The following ZNF143 variants were observed in gnomAD, a reference collection of about 807,000 sequenced individuals.
ZNF143 encodes the protein SPH-binding factor.
In ZNF143, 49 loss-of-function variants were observed where a neutral mutation model predicts 74.1. The ratio of observed to expected loss-of-function variants is 0.66; its 90% CI spans 0.53 to 0.84. ZNF143 has a LOEUF of 0.84. ZNF143 is among the 40% of genes least tolerant of loss of function. The pLI is 0.00. For synonymous variants in ZNF143, 304 were observed against 282.8 expected, an observed-to-expected ratio of 1.07 and a Z score of -0.75; for missense variants, 637 against 793.4, an observed-to-expected ratio of 0.80 and a Z score of 2.37.
rs1849178069 is a variant in ZNF143 at position 9,527,673 on chromosome 11, C to T, written c.*60C>T. On this transcript the variant is annotated 3_prime_UTR_variant, in exon 16 of 16. Coordinates refer to ENST00000396602, the MANE Select transcript of ZNF143 (RefSeq NM_003442.6). Reference sequence around the variant, plus strand: ...TCTTTCATCTTCTGGCAGCAGAAATCCATGAAGCCCGGGCCCAGGAAAATT... The same window carrying T: ...TCTTTCATCTTCTGGCAGCAGAAATTCATGAAGCCCGGGCCCAGGAAAATT... 6.6e-7 allele frequency: 1 copy of T among 1,519,880 alleles called. No homozygotes were observed. The highest frequency in any genetic ancestry group is 2.3e-5 in the East Asian group (1 of 44,368). 94.1% of individuals were successfully genotyped at this position (1,519,880 alleles called of 1,614,324 possible).
At position 9,528,280 on chromosome 11, in the gene ZNF143, T is replaced by G. The variant is rs2134302671; in HGVS notation, c.*667T>G. On this transcript the variant is annotated 3_prime_UTR_variant, in exon 16 of 16. Coordinates refer to ENST00000396602, the MANE Select transcript of ZNF143 (RefSeq NM_003442.6). ...AAAATTAAAAAGTTAAATCCAGTGG[T>G]TTTGTTAAAGATTTTGCTTAGTATT... 6.6e-6 allele frequency: 1 copy of G among 152,338 alleles called. No individual in the cohort carries two copies. The highest frequency in any genetic ancestry group is 1.9e-4 in the East Asian group (1 of 5,194). The allele number at this position is 152,338 out of a possible 1,614,324, so 9.4% of individuals were successfully genotyped here. A position where few individuals can be genotyped will look rare whatever the true frequency, so the allele number is the denominator to read the frequency against.
At position 9,516,317 on chromosome 11, in the gene ZNF143, G is replaced by A. The variant is rs572827042; in HGVS notation, c.1641G>A (p.Thr547=). ...AHDAVISSAG[T]HSVAMVTAEG... ...ATGCAGTCATCTCCTCAGCAGGAAC[G>A]CACTCTGTTGCTATGGTTACTGCTG... is the stretch of plus-strand genomic sequence containing the variant. The change falls in exon 14 of 16, where the codon ACG becomes ACA. Residue 547 remains threonine, a synonymous_variant. Transcript: ENST00000396602. 33 of 1,613,688 alleles carry A rather than the reference G, an allele frequency of 2.0e-5. No homozygotes were observed. The highest frequency in any genetic ancestry group is 1.6e-4 in the Middle Eastern group (1 of 6,078).
chr11:9,492,943 C>G (rs1487327328), intron 7 of ZNF143, among the ~76,000 whole-genome samples: 1 of 152,062 alleles, frequency 6.6e-6, no homozygotes, highest in Non-Finnish European at 1.5e-5. Context: ...ATGATGACAA[C>G]AGGCCTCATG....
At chr11:9,483,161 T>G (rs548206691) in intron 7 of ZNF143, among the ~76,000 whole-genome samples, 2 of 150,690 alleles carry the variant, frequency 1.3e-5, no homozygotes, top group African/African-American at 5.0e-5. Flanking sequence ...ACCCAGCTAA[T>G]TTTTGTATTT....
At chr11:9,496,153 G>A in intron 8 of ZNF143, 150 bp from the exon 9 acceptor site, 1 of 641,460 alleles carries the variant, frequency 1.6e-6, no homozygotes. Flanking sequence ...AGAACTATTG[G>A]GCTATCGTTT....
chr11:9,509,660 AG>A (rs1332464214), intron 12 of ZNF143, among the ~76,000 whole-genome samples: 2 of 152,204 alleles, frequency 1.3e-5, no homozygotes, highest in Admixed American at 1.3e-4. Context: ...TAGGTGGAAA[AG>A]GTTTGTTGGA....
chr11:9,525,125 T>G, intron 14 of ZNF143, 115 bp from the exon 15 acceptor site: 1 of 1,204,056 alleles, frequency 8.3e-7, no homozygotes, highest in Non-Finnish European at 1.2e-6. Context: ...AAGTCTATGG[T>G]CAGAGGAGTT....
chr11:9,502,385 G>A (rs936490024), intron 11 of ZNF143, among the ~76,000 whole-genome samples: 19 of 150,572 alleles, frequency 1.3e-4, no homozygotes, highest in African/African-American at 3.9e-4. Context: ...CGAAGTGAGC[G>A]GATCACGAGG....
At chr11:9,483,262 G>A (rs1409005050) in intron 7 of ZNF143, among the ~76,000 whole-genome samples, 1 of 141,358 alleles carries the variant, frequency 7.1e-6, no homozygotes. Flanking sequence ...TGAAAATGCT[G>A]GGATTACAGG....
Position 9,478,530 on chromosome 11 carries a change from G to T in ZNF143, c.514G>T (p.Gly172Trp). ...TGGGACAGTGGCAGGTCTGCACACT[G>T]GGGATGCTACAATTGACCCTGACAC... is the stretch of plus-strand genomic sequence containing the variant. ...ADGTVAGLHT[G>W]DATIDPDTIS... Residue 172 changes from glycine to tryptophan, a missense_variant, in exon 6 of 16, where the codon GGG becomes TGG. Coordinates refer to ENST00000396602, the MANE Select transcript of ZNF143 (RefSeq NM_003442.6). 1 of 1,614,142 alleles carries T rather than the reference G, an allele frequency of 6.2e-7. No individual in the cohort carries two copies. The highest frequency in any genetic ancestry group is 8.5e-7 in the Non-Finnish European group (1 of 1,180,034).
chr11:9,488,010 A>T (rs1460165795), intron 7 of ZNF143, among the ~76,000 whole-genome samples: 14 of 152,112 alleles, frequency 9.2e-5, no homozygotes, highest in Non-Finnish European at 1.6e-4. Context: ...CTGCATATTT[A>T]TGATTATACA....
chr11:9,480,874 C>T (rs1256007757), intron 7 of ZNF143, among the ~76,000 whole-genome samples: 3 of 140,974 alleles, frequency 2.1e-5, no homozygotes, highest in Admixed American at 1.5e-4. Context: ...GCAACAAGAA[C>T]GAAACTGTCT....
intron 5 of ZNF143, among the ~76,000 whole-genome samples, chr11:9,476,399 A>G (rs959521482): frequency 6.6e-6 from 1 of 152,134 alleles, no homozygotes; most frequent in Non-Finnish European, 1.5e-5. Context: ...ATTTTGAGAC[A>G]GTCTCGCTCT....
chr11:9,496,391 A>G lies in ZNF143; in HGVS notation c.841+13A>G. The G allele has an allele frequency of 6.2e-7, 1 of 1,613,714 alleles. No homozygotes were observed. The highest frequency in any genetic ancestry group is 8.5e-7 in the Non-Finnish European group (1 of 1,179,792). On this transcript the variant is annotated intron_variant, in intron 9 of 15. Transcript: ENST00000396602. ...GCATTTGCAACAGGTAAAAGTATGAATTTTGTTTTTTTCTTGGTTCCAATT... is the reference window on the plus strand; with the variant it reads ...GCATTTGCAACAGGTAAAAGTATGAGTTTTGTTTTTTTCTTGGTTCCAATT...
Position 9,527,626 on chromosome 11 carries a change from T to TG in ZNF143, c.*15dup. On this transcript the variant is annotated 3_prime_UTR_variant, in exon 16 of 16. Coordinates refer to ENST00000396602, the MANE Select transcript of ZNF143 (RefSeq NM_003442.6). ...GTTGGATGATTAATCCTCAGAACAA[T>TG]GGAGCAATAAAGCAGAAGGAGTCTT... The TG allele has an allele frequency of 6.2e-7, 1 of 1,611,492 alleles. No homozygotes were observed.
chr11:9,515,842 G>A lies in ZNF143; in HGVS notation c.1525-359G>A, dbSNP rs146374381. On this transcript the variant is annotated intron_variant, in intron 13 of 15. Transcript: ENST00000396602. ...CAAAAAAAATGACAAGTAATTAGTC[G>A]GGAGCAATGGGTCATGCCTATAGTC... Among the ~76,000 whole-genome samples, 23 of 151,534 alleles carry A rather than the reference G, an allele frequency of 1.5e-4. No individual in the cohort carries two copies. The East Asian group carries it at 4.3e-3, about 28-fold the overall frequency.
chr11:9,519,839 A>G (rs1233343253), intron 14 of ZNF143, among the ~76,000 whole-genome samples: 2 of 152,104 alleles, frequency 1.3e-5, no homozygotes, highest in Non-Finnish European at 2.9e-5. Context: ...CACTCCCACT[A>G]GCAATGTCTA....
At chr11:9,517,193 A>T (rs957568533) in intron 14 of ZNF143, among the ~76,000 whole-genome samples, 52 of 134,516 alleles carry the variant, frequency 3.9e-4, no homozygotes, top group South Asian at 1.4e-3. Flanking sequence ...CCCAGCCTCC[A>T]TTTTTTTTTT....
chr11:9,504,974 CTTT>C lies in ZNF143; in HGVS notation c.1148-3630_1148-3628del, dbSNP rs111642415. ...AGGTGTGAGCCACCACGCCCAGCCTCTTTTTTTTTTTTTTTTTAAGATGGAGTC... is the reference window on the plus strand; with the variant it reads ...AGGTGTGAGCCACCACGCCCAGCCTCTTTTTTTTTTTTTTAAGATGGAGTC... On this transcript the variant is annotated intron_variant, in intron 11 of 15. Transcript: ENST00000396602. 3.3e-4 allele frequency among the ~76,000 whole-genome samples: 24 copies of C among 73,462 alleles called. 2 individuals are homozygous for C. Among genetic ancestry groups the C allele is most frequent in the African/African-American group, 6.7e-4 (17 of 25,400 alleles). 48.2% of individuals were successfully genotyped at this position (73,462 alleles called of 152,430 possible).
Sources: gnomAD v4.1 joint callset for allele counts (sites outside exome capture counted in the v4.1 genomes callset) on GRCh38, gnomAD v4.1.1 for gene constraint, MANE v1.5 for transcripts, NCBI Gene and HGNC (gene_info 2026-07-23, HGNC 2026-07-21) for gene names.